Variants in NTM observed in about 807,000 individuals in gnomAD.
NTM encodes neurotrimin.
Under a neutral mutation model 42.1 loss-of-function variants are expected in NTM, and 13 were observed. The ratio of observed to expected loss-of-function variants is 0.31; its 90% CI spans 0.20 to 0.49. The LOEUF is 0.49. Among genes scored for constraint, NTM ranks in the 20% least tolerant of loss-of-function variants. The pLI, the probability that NTM is intolerant of heterozygous loss-of-function variation, is 0.99. For synonymous variants in NTM, 187 were observed against 179.2 expected (o/e 1.04, Z -0.35); for missense variants, 373 against 452.8 (o/e 0.82, Z 1.60).
At chr11:131,495,901 CT>C (rs1264026759) in intron 1 of NTM, among the ~76,000 whole-genome samples, 9 of 152,128 alleles carry the variant, frequency 5.9e-5, no homozygotes, top group Non-Finnish European at 1.2e-4. Context: ...GCAAAAGAGA[CT>C]GCTGGAGGGT....
At chr11:131,834,987 C>T (rs1263710079) in intron 1 of NTM, among the ~76,000 whole-genome samples, 1 of 152,084 alleles carries the variant, frequency 6.6e-6, no homozygotes, top group African/African-American at 2.4e-5. Context: ...ATTCAACAAA[C>T]AGCTTTAACA....
intron 1 of NTM, among the ~76,000 whole-genome samples, chr11:131,465,266 G>C (rs1951777573): frequency 6.6e-6 from 1 of 152,212 alleles, no homozygotes; most frequent in African/African-American, 2.4e-5. Context: ...GCCGCCCCAT[G>C]GGTGACCTGC....
intron 1 of NTM, chr11:131,771,431 G>T (rs980168740): frequency 2.0e-5 from 3 of 152,114 alleles, no homozygotes; most frequent in Non-Finnish European, 4.4e-5. Context: ...ATCTATTCAG[G>T]TACACCATTC....
At chr11:131,419,509 A>G (rs1292391229) in intron 1 of NTM, among the ~76,000 whole-genome samples, 2 of 152,204 alleles carry the variant, frequency 1.3e-5, no homozygotes, top group Non-Finnish European at 2.9e-5. Context: ...CAGACAGAAG[A>G]GCATTTCAGG....
chr11:131,705,790 A>G (rs567720077), intron 1 of NTM, among the ~76,000 whole-genome samples: 2 of 152,266 alleles, frequency 1.3e-5, no homozygotes, highest in African/African-American at 4.8e-5. Flanking sequence ...GTTTATAACT[A>G]TAAGATATTT....
At chr11:132,082,216 T>C (rs1266978528) in intron 2 of NTM, among the ~76,000 whole-genome samples, 1 of 152,048 alleles carries the variant, frequency 6.6e-6, no homozygotes, top group Non-Finnish European at 1.5e-5. Context: ...AATCCAGTTC[T>C]TGTTTCATGA....
chr11:131,401,998 C>G (rs971507095), intron 1 of NTM, among the ~76,000 whole-genome samples: 2 of 150,656 alleles, frequency 1.3e-5, no homozygotes, highest in Non-Finnish European at 3.0e-5. Context: ...GCAGAAGACA[C>G]CTTGCTCTTG....
intron 2 of NTM, among the ~76,000 whole-genome samples, chr11:131,929,183 C>T (rs768178443): frequency 3.3e-5 from 5 of 152,216 alleles, no homozygotes; most frequent in Non-Finnish European, 5.9e-5. Context: ...GTTTAGACTC[C>T]CTGGTTAGGG....
chr11:132,334,478 G>A lies in NTM; in HGVS notation c.968-568G>A, dbSNP rs906307099. ...CATCCAGATGGGGAAGAGGTCAAGT[G>A]CTCCAGGTGGAACCCAGGTGCCCTG... On this transcript the variant is annotated intron_variant, in intron 8 of 8. Coordinates refer to ENST00000683400, the MANE Select transcript of NTM (RefSeq NM_001352005.2). Among the ~76,000 whole-genome samples the A allele has an allele frequency of 2.6e-5, 4 of 152,350 alleles. No homozygotes were observed. In the South Asian group the frequency reaches 8.3e-4, roughly 32 times the overall value.
intron 1 of NTM, among the ~76,000 whole-genome samples, chr11:131,667,988 G>A (rs1250259155): frequency 6.6e-6 from 1 of 152,142 alleles, no homozygotes; most frequent in African/African-American, 2.4e-5. Context: ...TCCACTTCTG[G>A]TGCCTTGTGC....
intron 2 of NTM, among the ~76,000 whole-genome samples, chr11:132,089,613 G>C (rs2060155829): frequency 6.6e-6 from 1 of 152,120 alleles, no homozygotes; most frequent in South Asian, 2.1e-4. Flanking sequence ...CCTGCCCTGG[G>C]CTTCGTCTTC....
intron 1 of NTM, among the ~76,000 whole-genome samples, chr11:131,500,728 T>TC (rs71475760): frequency 1.3e-5 from 1 of 77,102 alleles, no homozygotes; most frequent in African/African-American, 5.0e-5. Flanking sequence ...ATGCTATCCC[T>TC]CCCCCCTCCC....
At chr11:131,757,114 G>T (rs781191920) in intron 1 of NTM, among the ~76,000 whole-genome samples, 3 of 152,176 alleles carry the variant, frequency 2.0e-5, no homozygotes, top group Non-Finnish European at 2.9e-5. Flanking sequence ...CAAGGAAAGG[G>T]GCGTCATCTC....
chr11:131,489,404 A>G (rs1338389923), intron 1 of NTM, among the ~76,000 whole-genome samples: 1 of 152,124 alleles, frequency 6.6e-6, no homozygotes, highest in Non-Finnish European at 1.5e-5. Context: ...CCATTCATTG[A>G]CCTCACCAAG....
At chr11:132,217,756 C>T (rs915932273) in intron 4 of NTM, among the ~76,000 whole-genome samples, 8 of 151,922 alleles carry the variant, frequency 5.3e-5, no homozygotes, top group African/African-American at 1.9e-4. Flanking sequence ...ATTTGACTGC[C>T]CTGTTTCTTT....
chr11:131,851,899 A>G (rs543946743), intron 1 of NTM, among the ~76,000 whole-genome samples: 2 of 152,136 alleles, frequency 1.3e-5, no homozygotes, highest in Admixed American at 1.3e-4. Flanking sequence ...AAAAGTTGTC[A>G]TTTTCATAAA....
At chr11:131,786,026 G>A in intron 1 of NTM, among the ~76,000 whole-genome samples, 1 of 152,176 alleles carries the variant, frequency 6.6e-6, no homozygotes, top group East Asian at 1.9e-4. Flanking sequence ...GAGACAGACA[G>A]AAGGCTATCT....
intron 3 of NTM, among the ~76,000 whole-genome samples, chr11:132,177,985 A>G (rs1668973607): frequency 6.6e-6 from 1 of 152,232 alleles, no homozygotes; most frequent in African/African-American, 2.4e-5. Context: ...CCTCACTCAC[A>G]TGACAAAAGA....
intron 1 of NTM, among the ~76,000 whole-genome samples, chr11:131,599,595 G>A (rs1405317406): frequency 6.6e-6 from 1 of 152,126 alleles, no homozygotes; most frequent in Non-Finnish European, 1.5e-5. Flanking sequence ...AATAATTATT[G>A]AATACCTCTG....
Sources: gnomAD v4.1 joint callset for allele counts (sites outside exome capture counted in the v4.1 genomes callset) on GRCh38, gnomAD v4.1.1 for gene constraint, MANE v1.5 for transcripts, NCBI Gene and HGNC (gene_info 2026-07-23, HGNC 2026-07-21) for gene names.